The following WSCD2 variants were observed in gnomAD, a reference collection of about 807,000 sequenced individuals.
WSCD2 encodes sialate:O-sulfotransferase 2.
WSCD2 carries 28 observed loss-of-function variants against 55.7 expected under a neutral mutation model. The observed-to-expected ratio is 0.50, with a 90% CI of 0.37 to 0.69. The LOEUF (loss-of-function observed/expected upper bound fraction) is 0.69. Among genes scored for constraint, WSCD2 ranks in the 30% least tolerant of loss-of-function variants. The pLI, the probability that WSCD2 is intolerant of heterozygous loss-of-function variation, is 0.00. For synonymous variants in WSCD2, 301 were observed against 301.9 expected (o/e 1.00, Z 0.03); for missense variants, 616 against 762.1 (o/e 0.81, Z 2.26).
chr12:108,225,188 G>C (rs908671982), intron 5 of WSCD2, among the ~76,000 whole-genome samples: 1 of 152,196 alleles, frequency 6.6e-6, no homozygotes, highest in Admixed American at 6.5e-5. Context: ...GAGATTTAAT[G>C]GACTCACAGT....
At chr12:108,222,529 G>A (rs1444016636) in intron 4 of WSCD2, among the ~76,000 whole-genome samples, 1 of 152,218 alleles carries the variant, frequency 6.6e-6, no homozygotes, top group Non-Finnish European at 1.5e-5. Flanking sequence ...TGATCACACT[G>A]TGTTAACAAT....
chr12:108,235,843 T>C (rs1163688190), intron 7 of WSCD2, among the ~76,000 whole-genome samples: 2 of 152,114 alleles, frequency 1.3e-5, no homozygotes. Context: ...GCAGTTAACA[T>C]TGAACTCTCC....
intron 1 of WSCD2, among the ~76,000 whole-genome samples, chr12:108,139,014 T>A (rs1876508268): frequency 6.6e-6 from 1 of 152,186 alleles, no homozygotes; most frequent in Non-Finnish European, 1.5e-5. Context: ...GTGGGACTGG[T>A]GCATAGTAGA....
At position 108,210,383 on chromosome 12, in the gene WSCD2, C is replaced by A; in HGVS notation, c.682+78C>A. 6 of 1,479,184 alleles carry A rather than the reference C, an allele frequency of 4.1e-6. No homozygotes were observed. The South Asian group carries it at 8.1e-5, about 20-fold the overall frequency. The allele number at this position is 1,479,184 out of a possible 1,614,324, so 91.6% of individuals were successfully genotyped here. A position where few individuals can be genotyped will look rare whatever the true frequency, so the allele number is the denominator to read the frequency against. On this transcript the variant is annotated intron_variant, in intron 4 of 8. Transcript: ENST00000547525. The surrounding 1 kb of genome is among the most constrained non-coding windows in gnomAD (Gnocchi z 4.3). ...TTGCCCACCAAAGAGTCCCACATGT[C>A]TGCCCTGTACCCTCCATGGCTCCCC...
At position 108,177,770 on chromosome 12, in the gene WSCD2, G is replaced by A. The variant is rs75720187; in HGVS notation, c.-551-17512G>A. Among the ~76,000 whole-genome samples the A allele has an allele frequency of 2.1e-3, 323 of 152,132 alleles. 1 individual carries two copies. Among genetic ancestry groups the A allele is most frequent in the African/African-American group, 7.2e-3 (297 of 41,490 alleles). On this transcript the variant is annotated intron_variant, in intron 1 of 8. Coordinates refer to ENST00000547525, the MANE Select transcript of WSCD2 (RefSeq NM_014653.4). ...GGCCCCATTTCTAAAATAATAATAA[G>A]AGGCTCAAGAATGTACAAAGCTAAC...
At chr12:108,195,027 G>A (rs1883725880) in intron 1 of WSCD2, among the ~76,000 whole-genome samples, 1 of 152,172 alleles carries the variant, frequency 6.6e-6, no homozygotes, top group Admixed American at 6.5e-5. Context: ...GCTTGTCCAA[G>A]ACAAAGTTTG....
intron 1 of WSCD2, among the ~76,000 whole-genome samples, chr12:108,177,298 A>G (rs1049946832): frequency 6.6e-6 from 1 of 152,142 alleles, no homozygotes; most frequent in Non-Finnish European, 1.5e-5. Flanking sequence ...AGATGAAGTA[A>G]TGTGGAGAGA....
chr12:108,180,050 CAAA>C (rs59925486), intron 1 of WSCD2, among the ~76,000 whole-genome samples: 8 of 116,664 alleles, frequency 6.9e-5, no homozygotes, highest in African/African-American at 1.3e-4. Context: ...CTCAAAAAAA[CAAA>C]AAAAAAAAAA....
chr12:108,224,272 G>C (rs1230925090), intron 4 of WSCD2, among the ~76,000 whole-genome samples: 2 of 152,148 alleles, frequency 1.3e-5, no homozygotes, highest in African/African-American at 4.8e-5. Flanking sequence ...CAATGAGAGG[G>C]AGAGGAGAAC....
At chr12:108,223,728 G>A (rs905485268) in intron 4 of WSCD2, among the ~76,000 whole-genome samples, 36 of 152,282 alleles carry the variant, frequency 2.4e-4, no homozygotes, top group African/African-American at 8.4e-4. Flanking sequence ...GGGCCCAACA[G>A]GAGCAAGCAG....
chr12:108,230,228 G>A (rs565785184), intron 6 of WSCD2, among the ~76,000 whole-genome samples: 1 of 152,188 alleles, frequency 6.6e-6, no homozygotes, highest in Non-Finnish European at 1.5e-5. Context: ...AAGTCCCTGT[G>A]TCTGGGCTCC....
chr12:108,178,863 G>A (rs779777440), intron 1 of WSCD2, among the ~76,000 whole-genome samples: 7 of 152,158 alleles, frequency 4.6e-5, no homozygotes, highest in African/African-American at 1.2e-4. Flanking sequence ...ACCCACAACC[G>A]CCTACGTAGA....
intron 1 of WSCD2, among the ~76,000 whole-genome samples, chr12:108,150,766 G>A (rs1172327072): frequency 6.6e-6 from 1 of 152,184 alleles, no homozygotes; most frequent in Admixed American, 6.5e-5. Context: ...CCGCACACAA[G>A]TCCAGGTGCC....
At chr12:108,244,234 A>G (rs753273545) in intron 8 of WSCD2, among the ~76,000 whole-genome samples, 23 of 152,176 alleles carry the variant, frequency 1.5e-4, no homozygotes, top group Non-Finnish European at 3.1e-4. Context: ...GACAGCAATC[A>G]ATGATCAGGA....
At chr12:108,199,594 A>G (rs1884397362) in intron 2 of WSCD2, among the ~76,000 whole-genome samples, 1 of 152,208 alleles carries the variant, frequency 6.6e-6, no homozygotes, top group Non-Finnish European at 1.5e-5. Flanking sequence ...AGTACTTAAC[A>G]TCAGATGGCG....
At chr12:108,195,122 G>T (rs925952931) in intron 1 of WSCD2, among the ~76,000 whole-genome samples, 160 bp from the exon 2 acceptor site, 2 of 152,186 alleles carry the variant, frequency 1.3e-5, no homozygotes, top group Admixed American at 6.5e-5. Context: ...AAGACTCAGG[G>T]ATGCTCTTTA....
At chr12:108,218,913 C>G (rs1050760041) in intron 4 of WSCD2, among the ~76,000 whole-genome samples, 2 of 152,192 alleles carry the variant, frequency 1.3e-5, no homozygotes, top group South Asian at 2.1e-4. Context: ...TCAGAGGGAC[C>G]TACCCATCAA....
At chr12:108,231,598 C>A (rs562021582) in intron 6 of WSCD2, among the ~76,000 whole-genome samples, 1 of 152,236 alleles carries the variant, frequency 6.6e-6, no homozygotes, top group East Asian at 1.9e-4. Context: ...ATATTACATG[C>A]TTTGTTTCAT....
intron 1 of WSCD2, among the ~76,000 whole-genome samples, chr12:108,158,240 A>G (rs1477549799): frequency 1.3e-5 from 2 of 152,150 alleles, no homozygotes; most frequent in African/African-American, 2.4e-5. Context: ...CAGAGATTAA[A>G]TTGCCCCTGG....
Sources: gnomAD v4.1 joint callset for allele counts (sites outside exome capture counted in the v4.1 genomes callset) on GRCh38, gnomAD v4.1.1 for gene constraint, Gnocchi (gnomAD v3.1) non-coding constraint, MANE v1.5 for transcripts, NCBI Gene and HGNC (gene_info 2026-07-23, HGNC 2026-07-21) for gene names.